SLC38A6: variants seen among roughly 807,000 people sequenced by gnomAD.
SLC38A6 encodes the protein N system amino acid transporter NAT-1.
In SLC38A6, 73 loss-of-function variants were observed where a neutral mutation model predicts 65.0. That is an observed-to-expected ratio of 1.12 (90% CI 0.93 to 1.37). The LOEUF (loss-of-function observed/expected upper bound fraction) is 1.37, where lower values mean the gene tolerates loss of function less well. Among genes scored for constraint, SLC38A6 ranks in the 40% most tolerant of loss-of-function variants. The pLI, the probability that SLC38A6 is intolerant of heterozygous loss-of-function variation, is 0.00. For missense variants in SLC38A6, 561 were observed against 531.1 expected (o/e 1.06, Z -0.55); for synonymous variants, 183 against 178.8 (o/e 1.02, Z -0.19).
At chr14:61,066,960 G>A (rs928110500) in intron 15 of SLC38A6, among the ~76,000 whole-genome samples, 3 of 151,760 alleles carry the variant, frequency 2.0e-5, no homozygotes, top group African/African-American at 7.3e-5. Flanking sequence ...CTAGTCCCAA[G>A]GTCATGAAAC....
chr14:61,033,117 G>T (rs1387653654), intron 6 of SLC38A6, among the ~76,000 whole-genome samples: 7 of 151,904 alleles, frequency 4.6e-5, no homozygotes, highest in African/African-American at 1.7e-4. Flanking sequence ...AACATTTAAT[G>T]ATCTTGTCGG....
intron 3 of SLC38A6, among the ~76,000 whole-genome samples, chr14:61,014,663 T>G (rs554800919): frequency 6.6e-6 from 1 of 152,204 alleles, no homozygotes; most frequent in Non-Finnish European, 1.5e-5. Context: ...AGACCCTTTT[T>G]GTCTGGGTAT....
At chr14:61,025,159 G>A (rs2040538453) in intron 5 of SLC38A6, among the ~76,000 whole-genome samples, 1 of 151,916 alleles carries the variant, frequency 6.6e-6, no homozygotes. Context: ...TATGGACTCG[G>A]GTAACCCCAT....
chr14:60,999,159 G>C (rs1022139035), intron 3 of SLC38A6, among the ~76,000 whole-genome samples: 9 of 152,210 alleles, frequency 5.9e-5, no homozygotes, highest in Admixed American at 5.2e-4. Context: ...CTGAAGCAGT[G>C]AGAAGCCACT....
chr14:61,037,757 T>A, intron 8 of SLC38A6, 74 bp downstream of exon 8: 1 of 1,019,224 alleles, frequency 9.8e-7, no homozygotes, highest in Non-Finnish European at 1.4e-6. Context: ...TTTTTACTTT[T>A]AACTGTTTTG....
At chr14:61,009,084 A>G (rs2039358719) in intron 3 of SLC38A6, among the ~76,000 whole-genome samples, 1 of 152,180 alleles carries the variant, frequency 6.6e-6, no homozygotes, top group South Asian at 2.1e-4. Flanking sequence ...TTTTCCAAGA[A>G]AAAAAGGTTA....
intron 3 of SLC38A6, among the ~76,000 whole-genome samples, chr14:61,005,302 A>G (rs1253378047): frequency 8.6e-6 from 1 of 116,776 alleles, no homozygotes; most frequent in East Asian, 2.4e-4. Context: ...CACCACTCCT[A>G]TTCAACATAG....
At chr14:61,067,514 T>C (rs1469787500) in intron 15 of SLC38A6, among the ~76,000 whole-genome samples, 1 of 152,176 alleles carries the variant, frequency 6.6e-6, no homozygotes, top group Non-Finnish European at 1.5e-5. Context: ...TTCTTGTAGT[T>C]TCATAGTAAA....
chr14:61,070,685 G>A (rs1220734123), intron 15 of SLC38A6, among the ~76,000 whole-genome samples: 2 of 152,156 alleles, frequency 1.3e-5, no homozygotes, highest in Admixed American at 6.5e-5. Flanking sequence ...AGCAGTGCAC[G>A]AGGGTTCCAA....
chr14:60,988,740 C>T (rs1316210920), intron 3 of SLC38A6, among the ~76,000 whole-genome samples: 1 of 152,232 alleles, frequency 6.6e-6, no homozygotes, highest in African/African-American at 2.4e-5. Context: ...ATTCTTACTT[C>T]CCTCTTTATC....
At chr14:60,981,662 G>T (rs1281192763) in intron 1 of SLC38A6, 1 of 1,421,782 alleles carries the variant, frequency 7.0e-7, no homozygotes, top group African/African-American at 1.4e-5. Context: ...TGGGATGAGC[G>T]GCCCTAGGAT....
At chr14:61,048,171 A>T (rs967962159) in intron 12 of SLC38A6, 12 of 453,250 alleles carry the variant, frequency 2.6e-5, no homozygotes, top group Admixed American at 2.6e-4. Flanking sequence ...GCTTTGTGTC[A>T]TAGGAAGAAA....
intron 15 of SLC38A6, among the ~76,000 whole-genome samples, chr14:61,069,696 A>G (rs1446544653): frequency 1.3e-5 from 2 of 151,884 alleles, no homozygotes. Flanking sequence ...TTGGTATACC[A>G]TTAGTACCTT....
chr14:61,001,754 C>T (rs1156650055), intron 3 of SLC38A6, among the ~76,000 whole-genome samples: 1 of 152,144 alleles, frequency 6.6e-6, no homozygotes, highest in African/African-American at 2.4e-5. Context: ...ACACTAATCC[C>T]TCCCCTTCTT....
intron 12 of SLC38A6, among the ~76,000 whole-genome samples, chr14:61,049,907 A>G (rs149328546): frequency 1.9e-3 from 287 of 152,202 alleles, no homozygotes; most frequent in African/African-American, 6.7e-3. Flanking sequence ...TATAAATCCT[A>G]TTGCTGACCA....
rs762340566 is a variant in SLC38A6 at position 61,046,143 on chromosome 14, C to A, written c.901C>A (p.Leu301Ile). The A allele has an allele frequency of 3.1e-6, 5 of 1,604,432 alleles. No individual in the cohort carries two copies. The South Asian group carries it at 5.5e-5, about 18-fold the overall frequency. The change falls in exon 12 of 16, where the codon CTC (leucine) becomes ATC (isoleucine). Residue 301 changes from leucine to isoleucine, a missense_variant. Coordinates refer to ENST00000267488, the MANE Select transcript of SLC38A6 (RefSeq NM_153811.3). ...LSFLIYFISA[L>I]FGYLTFYDKV... ...TTTTCTCATTTATTTTATATCTGCACTCTTTGGGTACCTCACTTTTTATGG... is the reference window on the plus strand; with the variant it reads ...TTTTCTCATTTATTTTATATCTGCAATCTTTGGGTACCTCACTTTTTATGG...
At chr14:60,990,947 G>T (rs535119283) in intron 3 of SLC38A6, among the ~76,000 whole-genome samples, 4 of 152,112 alleles carry the variant, frequency 2.6e-5, no homozygotes, top group Admixed American at 6.5e-5. Flanking sequence ...CTCCCAGAGT[G>T]CTTGGGATTA....
At chr14:61,080,560 A>G (rs1594805630) in intron 16 of SLC38A6, among the ~76,000 whole-genome samples, 1 of 152,232 alleles carries the variant, frequency 6.6e-6, no homozygotes, top group Non-Finnish European at 1.5e-5. Flanking sequence ...ATGCAAATCA[A>G]AACAGCTCAG....
At chr14:61,011,862 T>G (rs1303484024) in intron 3 of SLC38A6, among the ~76,000 whole-genome samples, 1 of 152,238 alleles carries the variant, frequency 6.6e-6, no homozygotes, top group Non-Finnish European at 1.5e-5. Context: ...GTTGTGTCTC[T>G]GCCAGACTTT....
Sources: allele counts gnomAD v4.1 joint callset (sites outside exome capture counted in the v4.1 genomes callset), GRCh38; gene constraint gnomAD v4.1.1; transcripts MANE v1.5; gene names NCBI Gene and HGNC (gene_info 2026-07-23, HGNC 2026-07-21).